GPC6: variants seen among roughly 807,000 people sequenced by gnomAD.
The protein encoded by GPC6 is glypican 6.
In GPC6, 14 loss-of-function variants were observed where a neutral mutation model predicts 55.2. The observed-to-expected ratio is 0.25, with a 90% CI of 0.17 to 0.40. GPC6 has a LOEUF of 0.40. Ranked by LOEUF, GPC6 falls within the 10% of genes least tolerant of loss-of-function variation. GPC6 has a pLI of 1.00. For missense variants in GPC6, 641 were observed against 708.5 expected (o/e 0.90, Z 1.08); for synonymous variants, 278 against 259.6 (o/e 1.07, Z -0.68).
At chr13:94,150,190 C>G (rs1247575265) in intron 4 of GPC6, among the ~76,000 whole-genome samples, 1 of 152,086 alleles carries the variant, frequency 6.6e-6, no homozygotes, top group Non-Finnish European at 1.5e-5. Context: ...ACAAATCCAG[C>G]CAATCACTTC....
intron 3 of GPC6, among the ~76,000 whole-genome samples, chr13:93,979,035 G>A (rs1029137767): frequency 2.6e-5 from 4 of 152,038 alleles, no homozygotes; most frequent in Admixed American, 1.3e-4. Flanking sequence ...GTTATAGGAA[G>A]TGCCCAAAAC....
chr13:94,267,672 G>A (rs1262708506), intron 4 of GPC6, among the ~76,000 whole-genome samples: 1 of 152,174 alleles, frequency 6.6e-6, no homozygotes, highest in African/African-American at 2.4e-5. Flanking sequence ...CATCTAAAGT[G>A]TGATTCCATC....
In GPC6 at chr13:93,470,158, A is replaced by G. The variant is rs552837388; in HGVS notation, c.161-75105A>G. On this transcript the variant is annotated intron_variant, in intron 1 of 8. Coordinates refer to ENST00000377047, the MANE Select transcript of GPC6 (RefSeq NM_005708.5). ...GTCTATACTGACAAACTATATTCCC[A>G]TAGAGATTTTTTTTTCTTGTCTTAT... 3.4e-5 allele frequency among the ~76,000 whole-genome samples: 5 copies of G among 148,398 alleles called. No individual in the cohort carries two copies. The South Asian group carries it at 8.5e-4, about 25-fold the overall frequency.
At chr13:93,386,826 G>A (rs911896069) in intron 1 of GPC6, among the ~76,000 whole-genome samples, 1 of 152,138 alleles carries the variant, frequency 6.6e-6, no homozygotes, top group Non-Finnish European at 1.5e-5. Flanking sequence ...ATCCTTTCTT[G>A]CCTCTTTCAG....
chr13:93,974,532 A>G (rs754336421), intron 3 of GPC6, among the ~76,000 whole-genome samples: 1 of 152,202 alleles, frequency 6.6e-6, no homozygotes, highest in Non-Finnish European at 1.5e-5. Flanking sequence ...TTTTAAAGAA[A>G]ACATAAAATA....
At chr13:93,874,850 C>T (rs1477238951) in intron 3 of GPC6, among the ~76,000 whole-genome samples, 1 of 151,890 alleles carries the variant, frequency 6.6e-6, no homozygotes, top group Non-Finnish European at 1.5e-5. Flanking sequence ...TACATCTCCT[C>T]TACCATTTTA....
At chr13:93,550,327 A>G (rs1875075430) in intron 2 of GPC6, among the ~76,000 whole-genome samples, 1 of 152,108 alleles carries the variant, frequency 6.6e-6, no homozygotes, top group Non-Finnish European at 1.5e-5. Context: ...GCTGAAATAT[A>G]TTCACATTTG....
chr13:94,271,300 T>G (rs1319884543), intron 4 of GPC6, among the ~76,000 whole-genome samples: 2 of 151,606 alleles, frequency 1.3e-5, no homozygotes, highest in Non-Finnish European at 2.9e-5. Context: ...CACAGAGAAG[T>G]ATAATTTTAA....
intron 1 of GPC6, among the ~76,000 whole-genome samples, chr13:93,389,827 C>G: frequency 6.6e-6 from 1 of 151,866 alleles, no homozygotes; most frequent in East Asian, 1.9e-4. Flanking sequence ...GTTAAGCCCT[C>G]TAATTTAGAA....
At chr13:93,222,588 C>T (rs891757709), upstream of GPC6, among the ~76,000 whole-genome samples, 1 of 148,964 alleles carries the variant, frequency 6.7e-6, no homozygotes, top group Non-Finnish European at 1.5e-5. Context: ...ATCTCCATCT[C>T]TTTCTTGTCC....
At chr13:93,564,534 C>G (rs1420560309) in intron 2 of GPC6, among the ~76,000 whole-genome samples, 1 of 152,172 alleles carries the variant, frequency 6.6e-6, no homozygotes, top group South Asian at 2.1e-4. Flanking sequence ...CAGTTATTTA[C>G]AAGACGCTAG....
chr13:93,494,587 A>G lies in GPC6; in HGVS notation c.161-50676A>G, dbSNP rs1044544000. 7.3e-4 allele frequency among the ~76,000 whole-genome samples: 111 copies of G among 152,014 alleles called. No homozygotes were observed. In the South Asian group the frequency reaches 0.021, roughly 29 times the overall value. ...CATTATGATGTTAGCTGGTGATTTT[A>G]CTCGTTAGTTGATGCAGTTTCTTCC... On this transcript the variant is annotated intron_variant, in intron 1 of 8. Coordinates refer to ENST00000377047, the MANE Select transcript of GPC6 (RefSeq NM_005708.5).
intron 3 of GPC6, among the ~76,000 whole-genome samples, chr13:94,016,384 A>G (rs1207776810): frequency 6.6e-6 from 1 of 152,212 alleles, no homozygotes; most frequent in Non-Finnish European, 1.5e-5. Context: ...CGGAGCTCAC[A>G]CAGTAACAAT....
chr13:93,400,975 T>C (rs971953892), intron 1 of GPC6, among the ~76,000 whole-genome samples: 2 of 152,000 alleles, frequency 1.3e-5, no homozygotes, highest in East Asian at 1.9e-4. Context: ...CAGGAAGAGG[T>C]TGGTTTATGG....
chr13:93,387,481 C>T (rs892294586), intron 1 of GPC6, among the ~76,000 whole-genome samples: 15 of 152,178 alleles, frequency 9.9e-5, no homozygotes, highest in African/African-American at 3.6e-4. Context: ...CAACTTCATC[C>T]ATGTCCCTGC....
At chr13:93,618,992 A>G (rs1878840438) in intron 2 of GPC6, among the ~76,000 whole-genome samples, 1 of 152,162 alleles carries the variant, frequency 6.6e-6, no homozygotes. Flanking sequence ...CTTGTACAGC[A>G]TGTTACTGTA....
At chr13:93,716,161 C>T (rs1282879912) in intron 2 of GPC6, among the ~76,000 whole-genome samples, 2 of 151,600 alleles carry the variant, frequency 1.3e-5, no homozygotes, top group Non-Finnish European at 3.0e-5. Context: ...GAATTATATA[C>T]AGTACATACT....
intron 7 of GPC6, among the ~76,000 whole-genome samples, chr13:94,385,632 C>CT (rs56225222): frequency 5.9e-5 from 9 of 151,704 alleles, no homozygotes; most frequent in Non-Finnish European, 1.3e-4. Flanking sequence ...TCCTTTAGTT[C>CT]TTTTTTTTAA....
intron 4 of GPC6, among the ~76,000 whole-genome samples, chr13:94,083,371 G>T (rs942956700): frequency 6.6e-6 from 1 of 152,132 alleles, no homozygotes; most frequent in African/African-American, 2.4e-5. Flanking sequence ...GCCCACCTTG[G>T]CCTCCCAAAG....
Sources: allele counts gnomAD v4.1 joint callset (sites outside exome capture counted in the v4.1 genomes callset), GRCh38; gene constraint gnomAD v4.1.1; transcripts MANE v1.5; gene names NCBI Gene and HGNC (gene_info 2026-07-23, HGNC 2026-07-21).